Variants in CIMIP2A observed in about 807,000 individuals in gnomAD.
The protein encoded by CIMIP2A is family with sequence similarity 166 member A.
the CIMIP2A span, chr9:137,244,386 G>C: frequency 2.5e-6 from 4 of 1,586,096 alleles, no homozygotes; most frequent in African/African-American, 1.3e-5. Flanking sequence ...CCGGCACTCC[G>C]TGGGAAAGCT....
the CIMIP2A span, chr9:137,253,226 G>A: frequency 2.5e-6 from 4 of 1,607,736 alleles, no homozygotes; most frequent in African/African-American, 1.3e-5. Context: ...CACGACACAG[G>A]CCCCTTCTGC....
chr9:137,244,811 C>T, the CIMIP2A span: 86 of 1,581,720 alleles, frequency 5.4e-5, no homozygotes, highest in Middle Eastern at 1.7e-4. Context: ...TGCCCTCAGA[C>T]GTGTCAGGGA....
the CIMIP2A span, chr9:137,244,565 C>T: frequency 1.3e-6 from 2 of 1,577,690 alleles, no homozygotes; most frequent in Non-Finnish European, 1.7e-6. Context: ...CTTCAAGGCA[C>T]CCTCCAGGGA....
chr9:137,249,334 T>G, the CIMIP2A span, among the ~76,000 whole-genome samples: 3 of 152,210 alleles, frequency 2.0e-5, no homozygotes, highest in Non-Finnish European at 2.9e-5. Context: ...CAAGTTGGTA[T>G]GGATCACGTC....
At chr9:137,245,182 CGGGGGGTGGGTA>C in the CIMIP2A span, 1 of 1,560,534 alleles carries the variant, frequency 6.4e-7, no homozygotes, top group Non-Finnish European at 8.6e-7. Context: ...TGGCGGCGGG[CGGGGGGTGGGTA>C]CTCATCCCTC....
At chr9:137,247,694 C>G in the CIMIP2A span, 4 of 1,613,490 alleles carry the variant, frequency 2.5e-6, no homozygotes, top group Non-Finnish European at 2.5e-6. Flanking sequence ...GTGAAGAGAT[C>G]GTGTTTCTGA....
the CIMIP2A span, among the ~76,000 whole-genome samples, chr9:137,248,591 G>C: frequency 6.6e-6 from 1 of 151,874 alleles, no homozygotes; most frequent in African/African-American, 2.4e-5. Flanking sequence ...GGGCACTGTG[G>C]CTCATGCCTA....
the CIMIP2A span, chr9:137,244,135 G>A: frequency 3.5e-5 from 56 of 1,593,772 alleles, no homozygotes; most frequent in African/African-American, 1.9e-4. Flanking sequence ...CACATTGGCC[G>A]GGGTGTGTCC....
chr9:137,251,515 ACAGGCTGTGGGGC>A, the CIMIP2A span: 1 of 974,528 alleles, frequency 1.0e-6, no homozygotes, highest in Non-Finnish European at 1.6e-6. Flanking sequence ...CAGTGTGGGG[ACAGGCTGTGGGGC>A]AGGCGGCTGG....
At chr9:137,243,782 T>C in the CIMIP2A span, 3 of 1,614,006 alleles carry the variant, frequency 1.9e-6, no homozygotes, top group Non-Finnish European at 2.5e-6. Context: ...GTAGTTGTCC[T>C]GCATGGCTGC....
At chr9:137,251,864 G>A in the CIMIP2A span, 6 of 1,608,690 alleles carry the variant, frequency 3.7e-6, no homozygotes, top group East Asian at 2.2e-5. Context: ...AGGAGTCCCT[G>A]CCCACCTACA....
chr9:137,246,872 A>G, the CIMIP2A span, among the ~76,000 whole-genome samples: 1 of 151,990 alleles, frequency 6.6e-6, no homozygotes, highest in Non-Finnish European at 1.5e-5. Flanking sequence ...TCCCCTTTGC[A>G]TGTAGCGTGT....
the CIMIP2A span, chr9:137,252,457 T>C: frequency 3.7e-6 from 6 of 1,609,548 alleles, no homozygotes; most frequent in Non-Finnish European, 4.2e-6. Context: ...CCGCAGGGCA[T>C]GGCAGACTTT....
At chr9:137,244,356 G>T in the CIMIP2A span, 1 of 1,605,844 alleles carries the variant, frequency 6.2e-7, no homozygotes, top group East Asian at 2.2e-5. Flanking sequence ...AGTTGTCCCA[G>T]TGGGGGCCTG....
chr9:137,245,697 G>C, the CIMIP2A span: 1 of 1,604,560 alleles, frequency 6.2e-7, no homozygotes, highest in Admixed American at 1.7e-5. Context: ...TCGGGGGCTT[G>C]GACTGGCTGA....
the CIMIP2A span, among the ~76,000 whole-genome samples, chr9:137,248,710 G>T: frequency 1.3e-5 from 2 of 151,840 alleles, no homozygotes; most frequent in Admixed American, 6.6e-5. Context: ...CTACAAAAAA[G>T]AAAGAAAAAT....
At chr9:137,245,017 A>G in the CIMIP2A span, 1 of 1,610,186 alleles carries the variant, frequency 6.2e-7, no homozygotes, top group Non-Finnish European at 8.5e-7. Context: ...CAGCCTCCTC[A>G]GGGGCTCTCA....
chr9:137,250,634 G>C, the CIMIP2A span: 1 of 154,834 alleles, frequency 6.5e-6, no homozygotes. Context: ...GCTCACACAG[G>C]CTGGCTGTTC....
At chr9:137,253,422 C>A in the CIMIP2A span, 1 of 1,448,844 alleles carries the variant, frequency 6.9e-7, no homozygotes, top group East Asian at 2.5e-5. Context: ...CAAGGCTGGC[C>A]CAGCCTGGAT....
Sources: gnomAD v4.1 joint callset for allele counts (sites outside exome capture counted in the v4.1 genomes callset) on GRCh38, gnomAD v4.1.1 for gene constraint, MANE v1.5 for transcripts, NCBI Gene and HGNC (gene_info 2026-07-23, HGNC 2026-07-21) for gene names.